PTPN3: variants seen among roughly 807,000 people sequenced by gnomAD.
PTPN3 encodes the protein protein tyrosine phosphatase non-receptor type 3, also known as tyrosine-protein phosphatase non-receptor type 3.
PTPN3 carries 96 observed loss-of-function variants against 132.7 expected under a neutral mutation model. That is an observed-to-expected ratio of 0.72 (90% CI 0.61 to 0.86). The LOEUF (loss-of-function observed/expected upper bound fraction) is 0.86, where lower values mean the gene tolerates loss of function less well. PTPN3 is among the 40% of genes least tolerant of loss of function. PTPN3 has a pLI of 0.00. For synonymous variants in PTPN3, 398 were observed against 429.0 expected, an observed-to-expected ratio of 0.93 and a Z score of 0.89; for missense variants, 1,125 against 1,159.6, an observed-to-expected ratio of 0.97 and a Z score of 0.43.
At chr9:109,516,526 G>T in the PTPN3 span, among the ~76,000 whole-genome samples, 1 of 152,172 alleles carries the variant, frequency 6.6e-6, no homozygotes, top group Non-Finnish European at 1.5e-5. Flanking sequence ...GGGTGTAAGG[G>T]TGTGTGTAGG....
At chr9:109,450,323 A>G in intron 5 of PTPN3, 20 of 985,380 alleles carry the variant, frequency 2.0e-5, no homozygotes, top group Non-Finnish European at 2.4e-5. Context: ...TGTTTATCCA[A>G]GCTGACATTC....
At chr9:109,382,791 C>T (rs1588283558) in intron 23 of PTPN3, among the ~76,000 whole-genome samples, 1 of 142,450 alleles carries the variant, frequency 7.0e-6, no homozygotes, top group Non-Finnish European at 1.5e-5. Context: ...AATATACTAA[C>T]ATGAGGCTTA....
intron 1 of PTPN3, among the ~76,000 whole-genome samples, chr9:109,478,128 GA>G (rs915783109): frequency 1.3e-5 from 2 of 152,172 alleles, no homozygotes; most frequent in African/African-American, 2.4e-5. Flanking sequence ...GGGTGGCTGT[GA>G]AAAAGGGGGA....
At chr9:109,419,282 A>G (rs1842734083) in intron 14 of PTPN3, among the ~76,000 whole-genome samples, 1 of 152,212 alleles carries the variant, frequency 6.6e-6, no homozygotes, top group Non-Finnish European at 1.5e-5. Flanking sequence ...TACAAATGGG[A>G]AGGAGATTTG....
intron 4 of PTPN3, among the ~76,000 whole-genome samples, chr9:109,456,651 G>T (rs1442947438): frequency 6.6e-6 from 1 of 152,202 alleles, no homozygotes; most frequent in East Asian, 1.9e-4. Context: ...GTGGACTATG[G>T]TGTGGCCTGA....
intron 19 of PTPN3, among the ~76,000 whole-genome samples, chr9:109,396,927 C>A (rs1426372629): frequency 6.6e-6 from 1 of 152,232 alleles, no homozygotes; most frequent in Non-Finnish European, 1.5e-5. Flanking sequence ...CAGGTGAGAG[C>A]TTCACACCCC....
At chr9:109,463,553 G>A (rs1027368004) in intron 1 of PTPN3, 102 bp from the exon 2 acceptor site, 6 of 1,062,100 alleles carry the variant, frequency 5.6e-6, no homozygotes, top group South Asian at 5.1e-5. Flanking sequence ...ACTGTCTGAC[G>A]GACTCACAGA....
At chr9:109,457,581 G>A (rs1845628313) in intron 2 of PTPN3, among the ~76,000 whole-genome samples, 182 bp from the exon 3 acceptor site, 1 of 152,200 alleles carries the variant, frequency 6.6e-6, no homozygotes, top group African/African-American at 2.4e-5. Flanking sequence ...GTAGGGCTAA[G>A]AAAAATGACA....
chr9:109,523,148 G>T, the PTPN3 span, among the ~76,000 whole-genome samples: 1 of 148,112 alleles, frequency 6.8e-6, no homozygotes, highest in South Asian at 2.1e-4. Context: ...ATGGAGTCTC[G>T]CTTTGTCGCC....
intron 12 of PTPN3, 72 bp downstream of exon 12, chr9:109,426,878 C>T (rs1843317408): frequency 1.4e-6 from 2 of 1,471,824 alleles, no homozygotes; most frequent in South Asian, 1.3e-5. Context: ...TAACAATGTC[C>T]TCTATTCACT....
chr9:109,518,981 G>A, the PTPN3 span, among the ~76,000 whole-genome samples: 2 of 151,946 alleles, frequency 1.3e-5, no homozygotes, highest in African/African-American at 2.4e-5. Context: ...ACTTCCTCCA[G>A]GAAGACTTCC....
chr9:109,406,236 G>T (rs1588344333), intron 18 of PTPN3, among the ~76,000 whole-genome samples: 1 of 152,266 alleles, frequency 6.6e-6, no homozygotes, highest in African/African-American at 2.4e-5. Context: ...GGGCTGCAGG[G>T]GCGCTGTCTC....
rs1461531535 is a variant in PTPN3, at chr9:109,428,699, A to G, written c.765-15T>C. 1 of 1,610,348 alleles carries G rather than the reference A, an allele frequency of 6.2e-7. No homozygotes were observed. Among genetic ancestry groups the G allele is most frequent in the Non-Finnish European group, 8.5e-7 (1 of 1,178,868 alleles). On this transcript the variant is annotated splice_polypyrimidine_tract_variant and intron_variant, in intron 10 of 25. Transcript: ENST00000374541. Reference sequence around the variant, plus strand: ...GAATGTTCACCCTTCAAAAAATAAAACAAAACACAAACAAAGCACATCAGG... The same window carrying G: ...GAATGTTCACCCTTCAAAAAATAAAGCAAAACACAAACAAAGCACATCAGG...
Position 109,427,163 on chromosome 9 carries a change from A to G in PTPN3, c.829-41T>C, listed in dbSNP as rs778196432. The stretch of plus-strand genomic sequence containing the variant: ...GTCAAGATTTCACCCACACAGACAT[A>G]GGAGCAGGGACTTGTAAGCATTTAA... On this transcript the variant is annotated intron_variant, in intron 11 of 25. Transcript: ENST00000374541. The G allele has an allele frequency of 8.3e-5, 133 of 1,597,628 alleles. 1 individual carries two copies. In the South Asian group the frequency reaches 1.4e-3, roughly 17 times the overall value.
chr9:109,537,461 T>C, the PTPN3 span, among the ~76,000 whole-genome samples: 4 of 152,320 alleles, frequency 2.6e-5, no homozygotes, highest in African/African-American at 9.6e-5. Flanking sequence ...AAGCTGAACA[T>C]GTGAGTGGGC....
In PTPN3 at chr9:109,382,348, C is replaced by A; in HGVS notation, c.2482G>T (p.Val828Leu). The change falls in exon 24 of 26, where the codon GTG (valine) becomes TTG (leucine). Residue 828 changes from valine (V) to leucine (L), a missense_variant. Transcript: ENST00000374541. Reference protein sequence around the residue: ...SSDFLEFVNYVRSLRVDSEPV... With the variant: ...SSDFLEFVNYLRSLRVDSEPV... ...TCGCTGTCCACTCTCAGAGACCTCA[C>A]ATAGTTTACAAATTCCAGAAAGTCG... 1 of 1,614,096 alleles carries A rather than the reference C, an allele frequency of 6.2e-7. No homozygotes were observed. The highest frequency in any genetic ancestry group is 8.5e-7 in the Non-Finnish European group (1 of 1,179,958).
At chr9:109,401,406 T>C (rs190131180) in intron 19 of PTPN3, among the ~76,000 whole-genome samples, 88 of 152,314 alleles carry the variant, frequency 5.8e-4, no homozygotes, top group African/African-American at 2.0e-3. Context: ...GTGATCTCCA[T>C]ACAAGTGGTC....
chr9:109,477,843 G>A (rs1846760584), intron 1 of PTPN3, among the ~76,000 whole-genome samples: 1 of 152,192 alleles, frequency 6.6e-6, no homozygotes, highest in Non-Finnish European at 1.5e-5. Context: ...GAACTGCCAG[G>A]ACTCCTTCCG....
At chr9:109,401,087 GT>G (rs903308264) in intron 19 of PTPN3, among the ~76,000 whole-genome samples, 11 of 152,204 alleles carry the variant, frequency 7.2e-5, no homozygotes, top group African/African-American at 2.4e-4. Flanking sequence ...AAAAAGAAGG[GT>G]TTCCTACTTA....
Sources: allele counts gnomAD v4.1 joint callset (sites outside exome capture counted in the v4.1 genomes callset), GRCh38; gene constraint gnomAD v4.1.1; transcripts MANE v1.5; gene names NCBI Gene and HGNC (gene_info 2026-07-23, HGNC 2026-07-21).